Variants in ERC2 observed in about 807,000 individuals in gnomAD.
ERC2 encodes the protein ERC protein 2.
In ERC2, 42 loss-of-function variants were observed where a neutral mutation model predicts 114.8. That is an observed-to-expected ratio of 0.37 (90% CI 0.29 to 0.47). The LOEUF (loss-of-function observed/expected upper bound fraction) is 0.47. ERC2 is among the 20% of genes least tolerant of loss of function. The pLI, the probability that ERC2 is intolerant of heterozygous loss-of-function variation, is 0.99. For missense variants in ERC2, 939 were observed against 1,150.7 expected, an observed-to-expected ratio of 0.82 and a Z score of 2.66; for synonymous variants, 454 against 425.5, an observed-to-expected ratio of 1.07 and a Z score of -0.82.
At chr3:56,344,882 G>A (rs1430053713) in intron 2 of ERC2, among the ~76,000 whole-genome samples, 10 of 152,266 alleles carry the variant, frequency 6.6e-5, no homozygotes, top group South Asian at 2.1e-4. Flanking sequence ...AGGAAAAAAC[G>A]GGAGATATAC....
chr3:55,715,875 G>A (rs556659480), intron 15 of ERC2, among the ~76,000 whole-genome samples: 1 of 152,278 alleles, frequency 6.6e-6, no homozygotes, highest in South Asian at 2.1e-4. Context: ...CTGTACAATG[G>A]AAGGAAGCTG....
chr3:56,234,182 T>C (rs1474583579), intron 3 of ERC2, among the ~76,000 whole-genome samples: 6 of 152,132 alleles, frequency 3.9e-5, no homozygotes, highest in African/African-American at 7.2e-5. Flanking sequence ...CTATAAAAAC[T>C]CAAGTACAGG....
intron 7 of ERC2, among the ~76,000 whole-genome samples, chr3:56,033,344 T>G (rs1560059724): frequency 6.6e-6 from 1 of 152,260 alleles, no homozygotes. Flanking sequence ...AAGTCATTTA[T>G]GTTCCACTAT....
At chr3:55,994,647 T>TAAAAAACA (rs2071356982) in intron 10 of ERC2, among the ~76,000 whole-genome samples, 1 of 61,396 alleles carries the variant, frequency 1.6e-5, no homozygotes, top group Admixed American at 2.7e-4. Flanking sequence ...ACATACTCCC[T>TAAAAAACA]AAAAAAAAAA....
At chr3:56,105,651 C>G (rs973193230) in intron 6 of ERC2, among the ~76,000 whole-genome samples, 5 of 152,160 alleles carry the variant, frequency 3.3e-5, no homozygotes, top group Non-Finnish European at 7.3e-5. Flanking sequence ...AAAGACAGAA[C>G]TAGACTTACG....
chr3:56,238,506 G>A (rs1298974367), intron 3 of ERC2, among the ~76,000 whole-genome samples: 4 of 152,188 alleles, frequency 2.6e-5, no homozygotes, highest in African/African-American at 4.8e-5. Context: ...CTTGGGCGTG[G>A]TTCCAACTCC....
chr3:56,327,065 G>A (rs914565473), intron 2 of ERC2, among the ~76,000 whole-genome samples: 3 of 152,184 alleles, frequency 2.0e-5, no homozygotes, highest in Non-Finnish European at 4.4e-5. Context: ...TCCACCTGCT[G>A]ACCAGTTACA....
intron 2 of ERC2, among the ~76,000 whole-genome samples, chr3:56,309,370 C>G (rs1243804359): frequency 6.6e-6 from 1 of 152,198 alleles, no homozygotes; most frequent in African/African-American, 2.4e-5. Context: ...TGGGAAAGCC[C>G]TCTTGGCAGT....
At chr3:56,435,400 A>G (rs922862586) in intron 1 of ERC2, among the ~76,000 whole-genome samples, 1 of 152,214 alleles carries the variant, frequency 6.6e-6, no homozygotes, top group Admixed American at 6.5e-5. Flanking sequence ...CTCAAAGTGA[A>G]AAATAAGCTC....
chr3:56,363,403 G>C (rs2059031195), intron 2 of ERC2, among the ~76,000 whole-genome samples: 1 of 152,118 alleles, frequency 6.6e-6, no homozygotes, highest in South Asian at 2.1e-4. Context: ...GGACATAGGA[G>C]GGAAAGATAA....
At chr3:56,448,729 AT>A (rs2062695664) in intron 1 of ERC2, among the ~76,000 whole-genome samples, 1 of 152,202 alleles carries the variant, frequency 6.6e-6, no homozygotes, top group Non-Finnish European at 1.5e-5. Flanking sequence ...GCCGTAGACA[AT>A]TTGAAACCAA....
intron 17 of ERC2, among the ~76,000 whole-genome samples, chr3:55,601,035 G>A (rs991834592): frequency 1.1e-4 from 17 of 152,340 alleles, no homozygotes; most frequent in Middle Eastern, 3.4e-3. Flanking sequence ...CGCACACCAT[G>A]CGGACGGGGG....
chr3:55,816,970 T>C (rs1188122901), intron 14 of ERC2, among the ~76,000 whole-genome samples: 1 of 152,138 alleles, frequency 6.6e-6, no homozygotes, highest in Non-Finnish European at 1.5e-5. Context: ...GTCAAATGTG[T>C]CAAGATTCCT....
chr3:55,919,716 G>A (rs986502452), intron 13 of ERC2, among the ~76,000 whole-genome samples: 1 of 152,116 alleles, frequency 6.6e-6, no homozygotes, highest in Admixed American at 6.5e-5. Flanking sequence ...GGAGATGACC[G>A]ACTTGCAATT....
At chr3:55,516,605 C>T (rs1436400194) in intron 17 of ERC2, among the ~76,000 whole-genome samples, 3 of 152,062 alleles carry the variant, frequency 2.0e-5, no homozygotes, top group Non-Finnish European at 2.9e-5. Context: ...TTAGGGATGA[C>T]GGAGTTTGCT....
At chr3:56,406,182 T>C (rs1397562211) in intron 2 of ERC2, among the ~76,000 whole-genome samples, 1 of 152,240 alleles carries the variant, frequency 6.6e-6, no homozygotes, top group Admixed American at 6.5e-5. Context: ...CGTAAGCCAC[T>C]ATGCCCAGCC....
At chr3:55,672,224 G>C (rs947726975) in intron 17 of ERC2, among the ~76,000 whole-genome samples, 44 of 151,220 alleles carry the variant, frequency 2.9e-4, no homozygotes, top group Non-Finnish European at 1.2e-4. Flanking sequence ...GTGCCTCCTA[G>C]CTACATGGGA....
intron 3 of ERC2, among the ~76,000 whole-genome samples, chr3:56,208,721 A>G (rs1406586883): frequency 1.3e-5 from 2 of 152,218 alleles, no homozygotes; most frequent in African/African-American, 4.8e-5. Flanking sequence ...GTGCCTCATT[A>G]GACACAGGCA....
At chr3:55,839,174 G>GCA (rs1261767372) in intron 14 of ERC2, among the ~76,000 whole-genome samples, 1 of 151,720 alleles carries the variant, frequency 6.6e-6, no homozygotes, top group Non-Finnish European at 1.5e-5. Flanking sequence ...ACACAGTGGA[G>GCA]CAACATTTTT....
Sources: allele counts gnomAD v4.1 joint callset (sites outside exome capture counted in the v4.1 genomes callset), GRCh38; gene constraint gnomAD v4.1.1; transcripts MANE v1.5; gene names NCBI Gene and HGNC (gene_info 2026-07-23, HGNC 2026-07-21).